The following ITGA2 variants were observed in gnomAD, a reference collection of about 807,000 sequenced individuals.
The protein encoded by ITGA2 is integrin alpha-2.
Under a neutral mutation model 146.3 loss-of-function variants are expected in ITGA2, and 101 were observed. That is an observed-to-expected ratio of 0.69 (90% CI 0.59 to 0.81). ITGA2 has a LOEUF of 0.81. ITGA2 is among the 40% of genes least tolerant of loss of function. The pLI, the probability that ITGA2 is intolerant of heterozygous loss-of-function variation, is 0.00. For missense variants in ITGA2, 1,281 were observed against 1,402.7 expected (o/e 0.91, Z 1.39); for synonymous variants, 477 against 487.1 (o/e 0.98, Z 0.27).
chr5:53,009,508 C>T (rs1005730953), intron 1 of ITGA2, among the ~76,000 whole-genome samples: 1 of 152,072 alleles, frequency 6.6e-6, no homozygotes, highest in Non-Finnish European at 1.5e-5. Context: ...AAGTGAGGAA[C>T]TTGGATATTT....
rs1213629700 is a variant in ITGA2 at position 53,062,841 on chromosome 5, T to C, written c.1514T>C (p.Ile505Thr). ...TCAGTTGATGTGGATAAAGACACCA[T>C]TACAGACGTGCTCTTGGTAGGTGCA... ...LCSVDVDKDTITDVLLVGAPM... is the reference protein window; with the variant it reads ...LCSVDVDKDTTTDVLLVGAPM... Residue 505 changes from isoleucine to threonine, a missense_variant, in exon 13 of 30, where the codon ATT (isoleucine) becomes ACT (threonine). Coordinates refer to ENST00000296585, the MANE Select transcript of ITGA2 (RefSeq NM_002203.4). The C allele has an allele frequency of 6.2e-7, 1 of 1,611,660 alleles. No homozygotes were observed. The highest frequency in any genetic ancestry group is 8.5e-7 in the Non-Finnish European group (1 of 1,178,502).
chr5:53,076,232 C>T lies in ITGA2; in HGVS notation c.2825+928C>T, dbSNP rs150205730. Reference sequence around the variant, plus strand: ...CAGCTTCCCAGCACAGATCAATGACCCCTGAATAGCACACTGCAGCACTTT... The same window carrying T: ...CAGCTTCCCAGCACAGATCAATGACTCCTGAATAGCACACTGCAGCACTTT... On this transcript the variant is annotated intron_variant, in intron 23 of 29. Transcript: ENST00000296585. 1.5e-3 allele frequency among the ~76,000 whole-genome samples: 229 copies of T among 152,034 alleles called. 1 individual carries two copies. In the South Asian group the frequency reaches 0.027, roughly 18 times the overall value.
chr5:52,995,144 G>A (rs927007719), intron 1 of ITGA2, among the ~76,000 whole-genome samples: 1 of 152,200 alleles, frequency 6.6e-6, no homozygotes, highest in Non-Finnish European at 1.5e-5. Flanking sequence ...TGGTATTCAA[G>A]TTGTTCCCAG....
intron 1 of ITGA2, among the ~76,000 whole-genome samples, chr5:53,023,087 G>A (rs1412476990): frequency 2.0e-5 from 3 of 152,190 alleles, no homozygotes; most frequent in South Asian, 2.1e-4. Flanking sequence ...TTGAGTTTGC[G>A]ATGCTATTAT....
chr5:53,048,326 A>T, intron 4 of ITGA2, 37 bp from the exon 5 acceptor site: 1 of 1,492,722 alleles, frequency 6.7e-7, no homozygotes, highest in Non-Finnish European at 9.4e-7. Context: ...TGCATTTTTC[A>T]TGTGTTTCCA....
At chr5:53,060,808 C>A in intron 11 of ITGA2, 93 bp from the exon 12 acceptor site, 1 of 1,231,038 alleles carries the variant, frequency 8.1e-7, no homozygotes, top group Non-Finnish European at 1.2e-6. Flanking sequence ...ACATCTAACA[C>A]AAAAGGATCT....
At chr5:53,061,977 C>A (rs1419050529) in intron 12 of ITGA2, among the ~76,000 whole-genome samples, 2 of 151,828 alleles carry the variant, frequency 1.3e-5, no homozygotes, top group African/African-American at 4.8e-5. Flanking sequence ...TAGAAAATAA[C>A]AGTGACAGTG....
At chr5:52,989,915 C>T (rs757422576) in intron 1 of ITGA2, among the ~76,000 whole-genome samples, 3 of 151,650 alleles carry the variant, frequency 2.0e-5, no homozygotes, top group Non-Finnish European at 4.4e-5. Flanking sequence ...TGCAGCCCAA[C>T]TTCCCCTGGC....
intron 10 of ITGA2, 35 bp downstream of exon 10, chr5:53,058,136 A>G (rs1744727497): frequency 2.0e-6 from 3 of 1,484,762 alleles, no homozygotes; most frequent in Non-Finnish European, 1.9e-6. Flanking sequence ...CCATGTTGTC[A>G]TTTGGCATAA....
At chr5:53,044,048 G>A (rs886840666) in intron 3 of ITGA2, among the ~76,000 whole-genome samples, 3 of 151,844 alleles carry the variant, frequency 2.0e-5, no homozygotes, top group Admixed American at 6.6e-5. Context: ...GCCGAGGTGG[G>A]TAGATAGCCT....
chr5:53,065,733 C>A, intron 14 of ITGA2, 108 bp from the exon 15 acceptor site: 10 of 1,392,746 alleles, frequency 7.2e-6, no homozygotes, highest in Non-Finnish European at 1.0e-5. Flanking sequence ...AGAATAAACA[C>A]AATCTGGGAC....
intron 15 of ITGA2, 121 bp from the exon 16 acceptor site, chr5:53,066,997 C>A: frequency 1.0e-6 from 1 of 985,382 alleles, no homozygotes; most frequent in Non-Finnish European, 1.5e-6. Flanking sequence ...TGCTAAAGTG[C>A]TTTGATAGAG....
intron 3 of ITGA2, among the ~76,000 whole-genome samples, chr5:53,044,055 GC>G (rs890911881): frequency 2.0e-5 from 3 of 151,668 alleles, no homozygotes; most frequent in Admixed American, 1.3e-4. Context: ...TGGGTAGATA[GC>G]CTGAGCTCAG....
chr5:52,995,623 C>T (rs952097831), intron 1 of ITGA2, among the ~76,000 whole-genome samples: 2 of 152,192 alleles, frequency 1.3e-5, no homozygotes, highest in African/African-American at 2.4e-5. Context: ...AAAAGATGAT[C>T]AGTTCAGGTC....
In ITGA2 at chr5:53,090,545, A is replaced by G; in HGVS notation, c.3492A>G (p.Glu1164=). ...WKLGFFKRKY[E]KMTKNPDEID... Reference sequence around the variant, plus strand: ...TCGGCTTCTTCAAAAGAAAATATGAAAAGATGACCAAAAATCCAGATGAGA... The same window carrying G: ...TCGGCTTCTTCAAAAGAAAATATGAGAAGATGACCAAAAATCCAGATGAGA... The change falls in exon 30 of 30, where the codon GAA becomes GAG. Residue 1164 remains glutamate, a synonymous_variant. Transcript: ENST00000296585. 1 of 1,614,092 alleles carries G rather than the reference A, an allele frequency of 6.2e-7. No homozygotes were observed. The highest frequency in any genetic ancestry group is 1.1e-5 in the South Asian group (1 of 91,082).
chr5:53,046,149 C>G lies in ITGA2; in HGVS notation c.387+1057C>G, dbSNP rs557563318. On this transcript the variant is annotated intron_variant, in intron 4 of 29. Coordinates refer to ENST00000296585, the MANE Select transcript of ITGA2 (RefSeq NM_002203.4). ...AAAGTTGCATGCACTGAGCCGAGAT[C>G]GTGCCACTGCACTCCAGCCTAAGCG... Among the ~76,000 whole-genome samples the G allele has an allele frequency of 2.9e-5, 4 of 139,508 alleles. No homozygotes were observed. In the East Asian group the frequency reaches 6.4e-4, roughly 22 times the overall value. The allele number at this position is 139,508 out of a possible 152,430, so 91.5% of individuals were successfully genotyped here.
chr5:53,070,373 G>A (rs1442602061), intron 17 of ITGA2, 113 bp downstream of exon 17: 2 of 930,650 alleles, frequency 2.1e-6, no homozygotes, highest in Non-Finnish European at 3.5e-6. Flanking sequence ...TCCAATGAAT[G>A]CCTTTCTTAT....
chr5:53,068,046 A>G (rs907120031), intron 16 of ITGA2, among the ~76,000 whole-genome samples: 1 of 151,926 alleles, frequency 6.6e-6, no homozygotes, highest in East Asian at 1.9e-4. Flanking sequence ...CATGGGTCCC[A>G]ATTCCCATTC....
rs1411950837 is a variant in ITGA2 at position 53,055,549 on chromosome 5, A to T, written c.791A>T (p.Tyr264Phe). The T allele has an allele frequency of 6.2e-7, 1 of 1,612,962 alleles. No homozygotes were observed. Among genetic ancestry groups the T allele is most frequent in the Middle Eastern group, 1.7e-4 (1 of 6,056 alleles). Residue 264 changes from tyrosine (Y) to phenylalanine (F), a missense_variant, in exon 8 of 30, where the codon TAT becomes TTT. Tyr to Phe is a conservative substitution (Grantham distance 22). Coordinates refer to ENST00000296585, the MANE Select transcript of ITGA2 (RefSeq NM_002203.4). ...TTTATCTGCCACAGAAAATATGCTT[A>T]TTCAGCAGCTTCTGGTGGGCGACGA... is the stretch of plus-strand genomic sequence containing the variant. ...GAIQYARKYAYSAASGGRRSA... is the reference protein window; with the variant it reads ...GAIQYARKYAFSAASGGRRSA...
Sources: gnomAD v4.1 joint callset for allele counts (sites outside exome capture counted in the v4.1 genomes callset) on GRCh38, gnomAD v4.1.1 for gene constraint, MANE v1.5 for transcripts, NCBI Gene and HGNC (gene_info 2026-07-23, HGNC 2026-07-21) for gene names.